Variants in APBA1 observed in about 807,000 individuals in gnomAD.
APBA1 encodes the protein amyloid-beta A4 precursor protein-binding family A member 1.
In APBA1, 55 loss-of-function variants were observed where a neutral mutation model predicts 86.6. The observed-to-expected ratio is 0.64, with a 90% CI of 0.51 to 0.80. APBA1 has a LOEUF of 0.80. Among genes scored for constraint, APBA1 ranks in the 30% least tolerant of loss-of-function variants. The probability of loss-of-function intolerance (pLI) is 0.00; values close to 1 mark genes in which losing one functional copy is unlikely to be tolerated. For missense variants in APBA1, 1,090 were observed against 1,183.0 expected, an observed-to-expected ratio of 0.92 and a Z score of 1.15; for synonymous variants, 511 against 493.9, an observed-to-expected ratio of 1.03 and a Z score of -0.46.
rs141538924 is a variant in APBA1 at position 69,495,133 on chromosome 9, T to C, written c.1201-18990A>G. Among the ~76,000 whole-genome samples, 470 of 152,160 alleles carry C rather than the reference T, an allele frequency of 3.1e-3. 3 individuals carry two copies. The highest frequency in any genetic ancestry group is 0.011 in the African/African-American group (441 of 41,528). Reference sequence around the variant, plus strand: ...GGTCGAGCAGCCTTTGCTCTGTCCTTACCATCTTGGACTTCCAAGCCCCAG... The same window carrying C: ...GGTCGAGCAGCCTTTGCTCTGTCCTCACCATCTTGGACTTCCAAGCCCCAG... On this transcript the variant is annotated intron_variant, in intron 2 of 12. Coordinates refer to ENST00000265381, the MANE Select transcript of APBA1 (RefSeq NM_001163.4).
chr9:69,641,152 T>C (rs1823280411), intron 1 of APBA1, among the ~76,000 whole-genome samples: 1 of 152,076 alleles, frequency 6.6e-6, no homozygotes, highest in Non-Finnish European at 1.5e-5. Context: ...TGCAATGACA[T>C]TTTAATATAC....
chr9:69,640,998 G>A (rs1204843130), intron 1 of APBA1, among the ~76,000 whole-genome samples: 1 of 151,740 alleles, frequency 6.6e-6, no homozygotes, highest in Non-Finnish European at 1.5e-5. Context: ...AAGAGAGAGA[G>A]AAATAAAGTT....
In APBA1 at chr9:69,457,155, G is replaced by GCCC. The variant is rs886443214; in HGVS notation, c.1516-17_1516-16insGGG. ...CTTCAGGAGCCTGAGAAGAAAAAATGCACCAAGAGAAAGTTTGACCACACT... is the reference window on the plus strand; with the variant it reads ...CTTCAGGAGCCTGAGAAGAAAAAATGCCCCACCAAGAGAAAGTTTGACCACACT... On this transcript the variant is annotated splice_polypyrimidine_tract_variant and intron_variant, in intron 6 of 12. Transcript: ENST00000265381. 17 of 1,608,694 alleles carry GCCC rather than the reference G, an allele frequency of 1.1e-5. No homozygotes were observed. Among genetic ancestry groups the GCCC allele is most frequent in the Non-Finnish European group, 1.4e-5 (16 of 1,175,144 alleles).
intron 1 of APBA1, among the ~76,000 whole-genome samples, chr9:69,590,447 A>G (rs1286565114): frequency 1.3e-5 from 2 of 152,240 alleles, no homozygotes; most frequent in South Asian, 2.1e-4. Flanking sequence ...CTATTTGTTC[A>G]TCAGCCAAAA....
chr9:69,616,392 C>T (rs1369526023), intron 1 of APBA1, among the ~76,000 whole-genome samples: 1 of 152,112 alleles, frequency 6.6e-6, no homozygotes, highest in Non-Finnish European at 1.5e-5. Flanking sequence ...ATCTAATTGC[C>T]CATGGTCATT....
chr9:69,610,101 T>C (rs1228077938), intron 1 of APBA1, among the ~76,000 whole-genome samples: 1 of 152,164 alleles, frequency 6.6e-6, no homozygotes, highest in African/African-American at 2.4e-5. Flanking sequence ...GAGGATCACT[T>C]GAGGCCAGGA....
intron 2 of APBA1, among the ~76,000 whole-genome samples, chr9:69,511,160 C>T (rs1050538701): frequency 1.9e-3 from 293 of 152,160 alleles, no homozygotes; most frequent in African/African-American, 6.3e-3. Context: ...AGCAAATTTT[C>T]GCAACCTACT....
At chr9:69,544,836 T>A (rs942807766) in intron 1 of APBA1, among the ~76,000 whole-genome samples, 3 of 152,194 alleles carry the variant, frequency 2.0e-5, no homozygotes, top group African/African-American at 4.8e-5. Context: ...CTTCAGTAAA[T>A]ATAAGTCTCC....
chr9:69,608,550 T>C (rs923500837), intron 1 of APBA1, among the ~76,000 whole-genome samples: 2 of 152,144 alleles, frequency 1.3e-5, no homozygotes, highest in Admixed American at 6.5e-5. Context: ...ATAAGCCTTA[T>C]TGAAGGCACT....
chr9:69,489,037 T>C (rs1484012916), intron 2 of APBA1, among the ~76,000 whole-genome samples: 2 of 152,028 alleles, frequency 1.3e-5, no homozygotes, highest in African/African-American at 2.4e-5. Context: ...ATCAATATCA[T>C]GAAAATGGCC....
intron 3 of APBA1, among the ~76,000 whole-genome samples, chr9:69,473,833 T>TG: frequency 6.6e-6 from 1 of 152,306 alleles, no homozygotes; most frequent in South Asian, 2.1e-4. Flanking sequence ...TCTTAGTCTC[T>TG]GGGGTAGTAA....
chr9:69,534,505 T>C (rs1836480783), intron 1 of APBA1, among the ~76,000 whole-genome samples: 1 of 152,116 alleles, frequency 6.6e-6, no homozygotes, highest in Admixed American at 6.5e-5. Context: ...CCTGGATCCC[T>C]GAATCAACCA....
chr9:69,431,287 G>A lies in APBA1; in HGVS notation c.*40C>T. The A allele has an allele frequency of 6.6e-7, 1 of 1,513,082 alleles. No homozygotes were observed. The highest frequency in any genetic ancestry group is 1.3e-5 in the South Asian group (1 of 79,098). 93.7% of individuals were successfully genotyped at this position (1,513,082 alleles called of 1,614,324 possible). A position where few individuals can be genotyped will look rare whatever the true frequency, so the allele number is the denominator to read the frequency against. On this transcript the variant is annotated 3_prime_UTR_variant, in exon 13 of 13. Transcript: ENST00000265381. ...GCAGCACGAGAAACACAACCACGAA[G>A]AGGAGAGTCCTCCATGCATGCCACC...
intron 1 of APBA1, among the ~76,000 whole-genome samples, chr9:69,643,919 T>C (rs1823341022): frequency 6.6e-6 from 1 of 152,212 alleles, no homozygotes; most frequent in African/African-American, 2.4e-5. Flanking sequence ...ACTCCAAGCA[T>C]GCTCTTGCCT....
At chr9:69,595,503 A>G (rs1822209638) in intron 1 of APBA1, among the ~76,000 whole-genome samples, 1 of 152,136 alleles carries the variant, frequency 6.6e-6, no homozygotes, top group South Asian at 2.1e-4. Context: ...CGGATCTCTA[A>G]CTCATAGCCC....
intron 2 of APBA1, among the ~76,000 whole-genome samples, chr9:69,495,218 G>A (rs1379770560): frequency 6.6e-6 from 1 of 152,030 alleles, no homozygotes; most frequent in Non-Finnish European, 1.5e-5. Context: ...CTCTATTCTT[G>A]CTGTACTAAC....
intron 4 of APBA1, 114 bp from the exon 5 acceptor site, chr9:69,468,082 C>T: frequency 7.8e-7 from 1 of 1,277,222 alleles, no homozygotes; most frequent in East Asian, 2.3e-5. Context: ...TGAGGCAGAG[C>T]CAACCTGCTG....
At chr9:69,558,069 T>C (rs1836889889) in intron 1 of APBA1, among the ~76,000 whole-genome samples, 1 of 152,208 alleles carries the variant, frequency 6.6e-6, no homozygotes, top group African/African-American at 2.4e-5. Flanking sequence ...TAAATTTTGC[T>C]TACTTTGAGA....
chr9:69,562,709 A>G (rs1836965712), intron 1 of APBA1, among the ~76,000 whole-genome samples: 1 of 152,140 alleles, frequency 6.6e-6, no homozygotes, highest in Non-Finnish European at 1.5e-5. Flanking sequence ...TTTAAAGGTT[A>G]ATTTAAGGAT....
Sources: gnomAD v4.1 joint callset for allele counts (sites outside exome capture counted in the v4.1 genomes callset) on GRCh38, gnomAD v4.1.1 for gene constraint, MANE v1.5 for transcripts, NCBI Gene and HGNC (gene_info 2026-07-23, HGNC 2026-07-21) for gene names.